Variants in SNRPN observed in about 807,000 individuals in gnomAD.
The protein encoded by SNRPN is small nuclear ribonucleoprotein-associated protein N.
Under a neutral mutation model 25.2 loss-of-function variants are expected in SNRPN, and 7 were observed. The ratio of observed to expected loss-of-function variants is 0.28; its 90% CI spans 0.16 to 0.52. SNRPN has a LOEUF of 0.52. Ranked by LOEUF, SNRPN falls within the 20% of genes least tolerant of loss-of-function variation. The pLI is 0.96. For synonymous variants in SNRPN, 124 were observed against 110.6 expected (o/e 1.12, Z -0.76); for missense variants, 196 against 322.5 (o/e 0.61, Z 3.00).
At position 24,872,871 on chromosome 15, in the gene SNRPN, CAAAAAAA is replaced by C. The variant is rs202062268; in HGVS notation, c.-578-13626_-578-13620del. ...TGGGTGACAGAGCGAGACTCCGTCT[CAAAAAAA>C]AAAAAAAAAAAAAAAAAATAGTTTT... On this transcript the variant is annotated intron_variant, in intron 1 of 11. Transcript: ENST00000400097. 7.1e-4 allele frequency among the ~76,000 whole-genome samples: 42 copies of C among 59,356 alleles called. 7 individuals are homozygous for C. The highest frequency in any genetic ancestry group is 1.1e-3 in the Non-Finnish European group (32 of 28,260). The allele number at this position is 59,356 out of a possible 152,430, so 38.9% of individuals were successfully genotyped here. A position where few individuals can be genotyped will look rare whatever the true frequency, so the allele number is the denominator to read the frequency against.
chr15:24,929,168 G>T lies in SNRPN; in HGVS notation c.-391+9044G>T, dbSNP rs1228312169. Among the ~76,000 whole-genome samples, 1 of 151,952 alleles carries T rather than the reference G, an allele frequency of 6.6e-6. No individual in the cohort carries two copies. The highest frequency in any genetic ancestry group is 1.5e-5 in the Non-Finnish European group (1 of 68,022). Reference sequence around the variant, plus strand: ...TATGTATTGTGTATATATGTATGTAGCTATATGTGTGTATGTGTATATATA... The same window carrying T: ...TATGTATTGTGTATATATGTATGTATCTATATGTGTGTATGTGTATATATA... On this transcript the variant is annotated intron_variant, in intron 3 of 11. Transcript: ENST00000400097. The surrounding 1 kb of genome is among the most constrained non-coding windows in gnomAD (Gnocchi z 5.3).
chr15:24,969,559 T>A (rs546664757), intron 3 of SNRPN, among the ~76,000 whole-genome samples: 4 of 152,196 alleles, frequency 2.6e-5, no homozygotes, highest in Non-Finnish European at 5.9e-5. Flanking sequence ...AGCTTTTCCC[T>A]TGAGTAAGGG....
chr15:24,852,804 C>T (rs556709549), upstream of SNRPN, among the ~76,000 whole-genome samples: 9 of 152,158 alleles, frequency 5.9e-5, no homozygotes, highest in South Asian at 1.0e-3. Context: ...CATATGTCTG[C>T]AGTCTCAGCT....
chr15:24,975,335 G>C, intron 4 of SNRPN, 23 bp from the exon 5 acceptor site: 3 of 1,604,118 alleles, frequency 1.9e-6, no homozygotes, highest in Non-Finnish European at 1.7e-6. Flanking sequence ...AGCTGAACAT[G>C]ACTCTTGTCT....
chr15:24,860,528 A>G (rs1304338057), intron 1 of SNRPN, among the ~76,000 whole-genome samples: 1 of 152,184 alleles, frequency 6.6e-6, no homozygotes, highest in Non-Finnish European at 1.5e-5. Context: ...TTACTTCCAG[A>G]TAAACCCATC....
intron 1 of SNRPN, among the ~76,000 whole-genome samples, chr15:24,876,818 T>G (rs1409287748): frequency 2.5e-4 from 38 of 152,056 alleles, no homozygotes; most frequent in Admixed American, 2.4e-3. Context: ...TGATTAGTAT[T>G]GAGGTAGAGA....
rs1353984050 is a variant in SNRPN, at chr15:24,955,207, G to A, written c.-391+145G>A. ...TCCTTTGTTCTGGAGAACCAGATCCGGAATGTTCAGAGGCTTGCTGTTGTG... is the reference window on the plus strand; with the variant it reads ...TCCTTTGTTCTGGAGAACCAGATCCAGAATGTTCAGAGGCTTGCTGTTGTG... On this transcript the variant is annotated intron_variant, in intron 1 of 9. Coordinates refer to ENST00000390687, the MANE Select transcript of SNRPN (RefSeq NM_003097.6). The A allele has an allele frequency of 2.0e-5, 23 of 1,143,108 alleles. No individual in the cohort carries two copies. In the East Asian group the frequency reaches 4.1e-4, roughly 20 times the overall value. The allele number at this position is 1,143,108 out of a possible 1,614,324, so 70.8% of individuals were successfully genotyped here.
At chr15:24,954,984 G>A (rs186748238), upstream of SNRPN, 8,020 of 1,607,612 alleles carry the variant, frequency 5.0e-3, 26 homozygotes, top group Non-Finnish European at 6.3e-3. Context: ...CAGCGAGTCT[G>A]GCGCAGAGTG....
At chr15:24,834,099 T>C (rs2050794869) in intron 2 of SNRPN, among the ~76,000 whole-genome samples, 1 of 152,096 alleles carries the variant, frequency 6.6e-6, no homozygotes, top group African/African-American at 2.4e-5. Flanking sequence ...CTAATTTTTG[T>C]ATTTTTAGTA....
intron 2 of SNRPN, among the ~76,000 whole-genome samples, chr15:24,917,619 GT>G (rs1487801791): frequency 6.6e-6 from 1 of 152,238 alleles, no homozygotes; most frequent in African/African-American, 2.4e-5. Flanking sequence ...AAGGTGACGT[GT>G]GGGGGCGCAG....
chr15:24,882,512 T>C (rs944716555), intron 1 of SNRPN, among the ~76,000 whole-genome samples: 1 of 152,138 alleles, frequency 6.6e-6, no homozygotes, highest in Non-Finnish European at 1.5e-5. Flanking sequence ...ATGTCCCCAA[T>C]AAACCCATCA....
At chr15:24,865,677 A>AG (rs2054513565) in intron 1 of SNRPN, among the ~76,000 whole-genome samples, 1 of 152,216 alleles carries the variant, frequency 6.6e-6, no homozygotes, top group African/African-American at 2.4e-5. Context: ...CTTCAACTAT[A>AG]GGGGTGAGTG....
intron 1 of SNRPN, among the ~76,000 whole-genome samples, chr15:24,959,674 G>A (rs942353614): frequency 1.3e-5 from 2 of 152,136 alleles, no homozygotes; most frequent in Non-Finnish European, 2.9e-5. Context: ...ATTATTAGCT[G>A]TATTTGTGTG....
At chr15:24,937,131 C>T (rs2061281237) in intron 3 of SNRPN, among the ~76,000 whole-genome samples, 8 of 151,950 alleles carry the variant, frequency 5.3e-5, no homozygotes, top group Admixed American at 2.0e-4. Context: ...ATTCCAGCTA[C>T]TTGGGAGGCT....
chr15:24,967,883 A>T (rs759767759), intron 2 of SNRPN, 49 bp from the exon 3 acceptor site: 2 of 1,511,964 alleles, frequency 1.3e-6, no homozygotes, highest in Non-Finnish European at 1.8e-6. Context: ...GGTTTCCTAT[A>T]AAGACAAATG....
chr15:24,963,785 T>C (rs1477262340), intron 2 of SNRPN, among the ~76,000 whole-genome samples: 1 of 151,970 alleles, frequency 6.6e-6, no homozygotes, highest in Non-Finnish European at 1.5e-5. Flanking sequence ...ATGCCTCTAA[T>C]CCCAGCATGT....
At chr15:24,944,531 G>A (rs967089089) in intron 3 of SNRPN, among the ~76,000 whole-genome samples, 3 of 152,112 alleles carry the variant, frequency 2.0e-5, no homozygotes, top group Non-Finnish European at 4.4e-5. Context: ...AATCCCATCT[G>A]TACTAAAAAT....
At position 24,929,185 on chromosome 15, in the gene SNRPN, G is replaced by GTA. The variant is rs577104710; in HGVS notation, c.-391+9069_-391+9070dup. Among the ~76,000 whole-genome samples the GTA allele has an allele frequency of 3.3e-3, 503 of 152,208 alleles. 5 individuals are homozygous for GTA. Among genetic ancestry groups the GTA allele is most frequent in the Middle Eastern group, 0.014 (4 of 294 alleles). On this transcript the variant is annotated intron_variant, in intron 3 of 11. Coordinates refer to the SNRPN transcript ENST00000400097. This position sits in a 1 kb window ranked among gnomAD's most constrained non-coding sequence, Gnocchi z 5.3. ...TGTATGTAGCTATATGTGTGTATGT[G>GTA]TATATATATCTTCATGTATTTATAG...
intron 2 of SNRPN, among the ~76,000 whole-genome samples, chr15:24,890,440 G>C (rs138188853): frequency 0.13 from 20,286 of 152,140 alleles, 1,861 homozygotes; most frequent in Non-Finnish European, 0.18. Context: ...ACTTTGGGAG[G>C]CTGAGGCGGG....
Sources: allele counts gnomAD v4.1 joint callset (sites outside exome capture counted in the v4.1 genomes callset), GRCh38; gene constraint gnomAD v4.1.1; non-coding constraint Gnocchi (gnomAD v3.1); transcripts MANE v1.5; gene names NCBI Gene and HGNC (gene_info 2026-07-23, HGNC 2026-07-21).